Variants in VEPH1 observed in about 807,000 individuals in gnomAD.
VEPH1 encodes the protein ventricular zone expressed PH domain containing 1, also known as ventricular zone-expressed PH domain-containing protein homolog 1.
VEPH1 carries 80 observed loss-of-function variants against 85.2 expected under a neutral mutation model. The observed-to-expected ratio is 0.94, with a 90% CI of 0.78 to 1.13. The LOEUF is 1.13. VEPH1 is among the 50% of genes most tolerant of loss of function. VEPH1 has a pLI of 0.00. For missense variants in VEPH1, 955 were observed against 980.5 expected, an observed-to-expected ratio of 0.97 and a Z score of 0.35; for synonymous variants, 297 against 348.0, an observed-to-expected ratio of 0.85 and a Z score of 1.63.
chr3:157,398,377 T>C (rs1378511494), intron 6 of VEPH1, among the ~76,000 whole-genome samples: 1 of 152,220 alleles, frequency 6.6e-6, no homozygotes, highest in African/African-American at 2.4e-5. Flanking sequence ...GGCTCAAGCC[T>C]GTAATCCCAG....
At chr3:157,282,656 C>G (rs1359302096) in intron 12 of VEPH1, among the ~76,000 whole-genome samples, 3 of 152,172 alleles carry the variant, frequency 2.0e-5, no homozygotes, top group African/African-American at 7.2e-5. Flanking sequence ...AGTCATGACC[C>G]AGTTCTTCCT....
chr3:157,380,413 C>T (rs1276846982), intron 7 of VEPH1, among the ~76,000 whole-genome samples: 1 of 152,218 alleles, frequency 6.6e-6, no homozygotes, highest in African/African-American at 2.4e-5. Context: ...TTGAGCCTAT[C>T]ATCCACTGGT....
intron 9 of VEPH1, among the ~76,000 whole-genome samples, chr3:157,319,584 A>G (rs926303220): frequency 6.6e-6 from 1 of 152,240 alleles, no homozygotes; most frequent in Non-Finnish European, 1.5e-5. Context: ...ATATTGAGAT[A>G]GCAATATGTT....
At chr3:157,300,084 T>C (rs1255105503) in intron 11 of VEPH1, among the ~76,000 whole-genome samples, 1 of 152,216 alleles carries the variant, frequency 6.6e-6, no homozygotes, top group African/African-American at 2.4e-5. Context: ...CCTGAGTTTC[T>C]AGTTACCACA....
intron 2 of VEPH1, among the ~76,000 whole-genome samples, chr3:157,494,086 T>A (rs899795470): frequency 1.3e-5 from 2 of 152,106 alleles, no homozygotes; most frequent in Non-Finnish European, 2.9e-5. Flanking sequence ...ATCAAAGACA[T>A]TACCTGAGAA....
chr3:157,301,651 T>G (rs1718827506), intron 11 of VEPH1, among the ~76,000 whole-genome samples: 1 of 152,238 alleles, frequency 6.6e-6, no homozygotes, highest in Admixed American at 6.5e-5. Flanking sequence ...GAATGGACAC[T>G]TATCTTGATT....
chr3:157,414,012 TGAGGATGTTTA>T lies in VEPH1; in HGVS notation c.764_774del (p.Leu255HisfsTer7). The T allele has an allele frequency of 6.2e-7, 1 of 1,613,570 alleles. No homozygotes were observed. Among genetic ancestry groups the T allele is most frequent in the Non-Finnish European group, 8.5e-7 (1 of 1,179,692 alleles). ...ACTGGCTCATAGACTGCTATCTCTA[TGAGGATGTTTA>T]GGATGATGTCATTATGGGTTGAATC... On this transcript the variant is annotated frameshift_variant, in exon 6 of 14. Coordinates refer to ENST00000362010, the MANE Select transcript of VEPH1 (RefSeq NM_001167912.2). LOFTEE classifies it high-confidence loss of function.
At chr3:157,351,460 C>T (rs1388149608) in intron 9 of VEPH1, among the ~76,000 whole-genome samples, 1 of 150,744 alleles carries the variant, frequency 6.6e-6, no homozygotes, top group East Asian at 2.0e-4. Flanking sequence ...TCCCAAAGTG[C>T]TGGGATTACA....
chr3:157,343,948 G>T (rs184244410), intron 9 of VEPH1, among the ~76,000 whole-genome samples: 171 of 152,300 alleles, frequency 1.1e-3, no homozygotes, highest in Non-Finnish European at 1.8e-3. Context: ...CTCAATAGAT[G>T]CAGAAAAGGC....
chr3:157,420,913 C>T (rs574806629), intron 5 of VEPH1, among the ~76,000 whole-genome samples: 1 of 152,298 alleles, frequency 6.6e-6, no homozygotes, highest in East Asian at 1.9e-4. Flanking sequence ...CTGTTCCTTT[C>T]GTTGGCTAGA....
intron 9 of VEPH1, among the ~76,000 whole-genome samples, chr3:157,350,156 G>T (rs923763801): frequency 2.6e-5 from 4 of 152,184 alleles, no homozygotes; most frequent in Non-Finnish European, 4.4e-5. Context: ...ACATGGTACT[G>T]TCATAGAAAC....
chr3:157,356,835 G>A (rs1173359371), intron 9 of VEPH1, among the ~76,000 whole-genome samples: 1 of 152,146 alleles, frequency 6.6e-6, no homozygotes, highest in Non-Finnish European at 1.5e-5. Flanking sequence ...AAACTGGATT[G>A]GAATGTACTC....
At chr3:157,430,450 A>G (rs767704046) in intron 4 of VEPH1, among the ~76,000 whole-genome samples, 43 of 152,338 alleles carry the variant, frequency 2.8e-4, no homozygotes, top group Non-Finnish European at 4.4e-4. Context: ...AATATGCAAC[A>G]ACTTATTCAT....
chr3:157,317,439 C>A (rs1205695619), intron 9 of VEPH1, among the ~76,000 whole-genome samples: 1 of 152,178 alleles, frequency 6.6e-6, no homozygotes, highest in Non-Finnish European at 1.5e-5. Flanking sequence ...GACTCAGCAA[C>A]TCCCATGGGG....
At chr3:157,394,702 C>T (rs1730198920) in intron 6 of VEPH1, among the ~76,000 whole-genome samples, 1 of 152,120 alleles carries the variant, frequency 6.6e-6, no homozygotes, top group African/African-American at 2.4e-5. Context: ...ACTTAAACAA[C>T]CAGATCTCAT....
chr3:157,452,610 T>C (rs1735064492), intron 4 of VEPH1, among the ~76,000 whole-genome samples: 1 of 152,188 alleles, frequency 6.6e-6, no homozygotes, highest in African/African-American at 2.4e-5. Flanking sequence ...TAGCTGATAT[T>C]TATTGAAAGC....
chr3:157,481,433 A>AACACACACACACACACACACACACAC (rs1177654727), intron 2 of VEPH1, among the ~76,000 whole-genome samples: 2 of 38,670 alleles, frequency 5.2e-5, no homozygotes, highest in African/African-American at 2.6e-4. Context: ...TATGGAACCA[A>AACACACACACACACACACACACACAC]ACACACACAC....
intron 6 of VEPH1, among the ~76,000 whole-genome samples, chr3:157,390,812 C>G (rs1388918800): frequency 6.6e-6 from 1 of 152,222 alleles, no homozygotes; most frequent in East Asian, 1.9e-4. Flanking sequence ...GGGAAAAGAG[C>G]TGCGACCCTT....
At position 157,276,257 on chromosome 3, in the gene VEPH1, T is replaced by C. The variant is rs540258356; in HGVS notation, c.2128+10300A>G. On this transcript the variant is annotated intron_variant, in intron 12 of 13. Transcript: ENST00000362010. ...CAAAACATATGCTTCTCTGACCAAT[T>C]ACTGATGTACTGATGCAAAAAAGCT... Among the ~76,000 whole-genome samples the C allele has an allele frequency of 3.9e-5, 6 of 152,334 alleles. No homozygotes were observed. In the East Asian group the frequency reaches 1.2e-3, roughly 29 times the overall value.
Sources: allele counts gnomAD v4.1 joint callset (sites outside exome capture counted in the v4.1 genomes callset), GRCh38; gene constraint gnomAD v4.1.1; transcripts MANE v1.5; gene names NCBI Gene and HGNC (gene_info 2026-07-23, HGNC 2026-07-21).